The following FTSJ3 variants were observed in gnomAD, a reference collection of about 807,000 sequenced individuals.
FTSJ3 encodes the protein pre-rRNA 2'-O-ribose RNA methyltransferase FTSJ3.
In FTSJ3, 46 loss-of-function variants were observed where a neutral mutation model predicts 111.5. The ratio of observed to expected loss-of-function variants is 0.41; its 90% CI spans 0.33 to 0.53. The LOEUF (loss-of-function observed/expected upper bound fraction) is 0.53, where lower values mean the gene tolerates loss of function less well. FTSJ3 is among the 20% of genes least tolerant of loss of function. The probability of loss-of-function intolerance (pLI) is 0.19; values close to 1 mark genes in which losing one functional copy is unlikely to be tolerated. For synonymous variants in FTSJ3, 408 were observed against 383.0 expected, an observed-to-expected ratio of 1.07 and a Z score of -0.76; for missense variants, 1,075 against 1,063.8, an observed-to-expected ratio of 1.01 and a Z score of -0.15.
In FTSJ3 at chr17:63,819,810, G is replaced by A. The variant is rs114763743; in HGVS notation, c.2536C>T (p.Arg846Trp). ...GAGCCTGGCAGCTCTGCTTACTTCC[G>A]TTTGTGTTTTTTCTTTTGTTCCTTA... ...QRKEQKKKHK[R>W]K is the part of the protein sequence containing the mutation. The change falls in exon 21 of 21, where the codon CGG becomes TGG. Residue 846 changes from arginine to tryptophan, a missense_variant. By Grantham distance (101) the Arg-to-Trp change is moderately radical. Around this residue, in one of 2 missense-constraint regions of FTSJ3, gnomAD observed 867 missense variants for 796.9 expected, o/e 1.09. Coordinates refer to ENST00000427159, the MANE Select transcript of FTSJ3 (RefSeq NM_017647.4). The A allele has an allele frequency of 1.6e-5, 26 of 1,612,548 alleles. No homozygotes were observed. The highest frequency in any genetic ancestry group is 1.2e-4 in the South Asian group (11 of 91,006).
Position 63,824,091 on chromosome 17 carries a change from A to G in FTSJ3, c.1147T>C (p.Leu383=), listed in dbSNP as rs534211694. The G allele has an allele frequency of 6.2e-7, 1 of 1,613,954 alleles. No homozygotes were observed. The highest frequency in any genetic ancestry group is 1.1e-5 in the South Asian group (1 of 91,070). The change falls in exon 12 of 21, where the codon TTG becomes CTG. Residue 383 remains leucine, a synonymous_variant. Transcript: ENST00000427159. ...TACCCCAGCTCCTTTCACCTCTTCAATTCCGCCACCTCCTGGGCCTTCATT... is the reference window on the plus strand; with the variant it reads ...TACCCCAGCTCCTTTCACCTCTTCAGTTCCGCCACCTCCTGGGCCTTCATT... ...AEMKAQEVAE[L]KRKKKKLLRE...
Position 63,823,901 on chromosome 17 carries a change from C to T in FTSJ3, c.1206G>A (p.Glu402=). 1 of 1,614,204 alleles carries T rather than the reference C, an allele frequency of 6.2e-7. No individual in the cohort carries two copies. Among genetic ancestry groups the T allele is most frequent in the Non-Finnish European group, 8.5e-7 (1 of 1,180,034 alleles). Residue 402 remains glutamate, a synonymous_variant, in exon 13 of 21, where the codon GAG becomes GAA. Coordinates refer to ENST00000427159, the MANE Select transcript of FTSJ3 (RefSeq NM_017647.4). ...AAACCCCAGGCAGATCCATCTTCAG[C>T]TCCACACGCTCCCGCTGCTTTCTCT... ...REQRKQRERV[E]LKMDLPGVSI...
In FTSJ3 at chr17:63,821,125, G is replaced by T. The variant is rs774220650; in HGVS notation, c.1887-10C>A. ...ACGGAGGGGTTCCCAGCTGTGAAGA[G>T]GGGAGGACTCTGAGTGATTCCACCA... On this transcript the variant is annotated splice_polypyrimidine_tract_variant and intron_variant, in intron 16 of 20. Transcript: ENST00000427159. The T allele has an allele frequency of 2.2e-5, 36 of 1,613,442 alleles. No homozygotes were observed. The highest frequency in any genetic ancestry group is 2.8e-5 in the Non-Finnish European group (33 of 1,179,634).
chr17:63,824,434 G>T, intron 10 of FTSJ3, 23 bp from the exon 11 acceptor site: 2 of 1,611,148 alleles, frequency 1.2e-6, no homozygotes, highest in Non-Finnish European at 1.7e-6. Flanking sequence ...TACTATTACT[G>T]ATCTTGCCAT....
In FTSJ3 at chr17:63,821,575, AAAT is replaced by A; in HGVS notation, c.1662_1664del (p.Leu554del). The A allele has an allele frequency of 6.2e-7, 1 of 1,614,094 alleles. No individual in the cohort carries two copies. The highest frequency in any genetic ancestry group is 8.5e-7 in the Non-Finnish European group (1 of 1,180,018). ...GCTGCCGTCCCTTCCGCCGGTTCTC[AAAT>A]AACAGCTGGGCCTGACTGATCTCCA... On this transcript the variant is annotated inframe_deletion, in exon 16 of 21. Transcript: ENST00000427159.
chr17:63,822,958 C>T (rs2040064540), intron 13 of FTSJ3, among the ~76,000 whole-genome samples: 1 of 152,176 alleles, frequency 6.6e-6, no homozygotes, highest in Non-Finnish European at 1.5e-5. Context: ...AGTCACTTCA[C>T]AAAGCTCCAG....
chr17:63,821,206 G>T, intron 16 of FTSJ3, 91 bp from the exon 17 acceptor site: 3 of 1,526,704 alleles, frequency 2.0e-6, no homozygotes, highest in Non-Finnish European at 2.7e-6. Flanking sequence ...TGCCATGCAG[G>T]CTGTACCCCA....
rs781160586 is a variant in FTSJ3, at chr17:63,826,107, G to A, written c.249C>T (p.Leu83=). ...VGVDLVPIKP[L]PNVVTLQQDI... is the part of the protein sequence containing the mutation. ...CCTGCTGGAGAGTCACCACATTGGG[G>A]AGAGGCTTGATTGGAACCAGGTCCA... is the stretch of plus-strand genomic sequence containing the variant. Residue 83 remains leucine (L), a synonymous_variant, in exon 5 of 21, where the codon CTC becomes CTT. Transcript: ENST00000427159. 1.9e-6 allele frequency: 3 copies of A among 1,613,870 alleles called. No individual in the cohort carries two copies. The highest frequency in any genetic ancestry group is 1.7e-5 in the Admixed American group (1 of 60,014).
At chr17:63,826,351 C>G in intron 3 of FTSJ3, 47 bp from the exon 4 acceptor site, 1 of 1,581,134 alleles carries the variant, frequency 6.3e-7, no homozygotes, top group Non-Finnish European at 8.7e-7. Flanking sequence ...TCCTTTTCCC[C>G]CTCTTGGCAA....
In FTSJ3 at chr17:63,827,386, T is replaced by C. The variant is rs1325663269; in HGVS notation, c.-361A>G. 6.6e-7 allele frequency: 1 copy of C among 1,508,164 alleles called. No homozygotes were observed. Among genetic ancestry groups the C allele is most frequent in the South Asian group, 1.2e-5 (1 of 82,986 alleles). The allele number at this position is 1,508,164 out of a possible 1,614,324, so 93.4% of individuals were successfully genotyped here. A position where few individuals can be genotyped will look rare whatever the true frequency, so the allele number is the denominator to read the frequency against. On this transcript the variant is annotated 5_prime_UTR_variant, in exon 1 of 21. Transcript: ENST00000427159. Reference sequence around the variant, plus strand: ...TGGTCTCGCCGCACACCCCGCCCATTGACCCGGAATTCTTCTCTGCCTGGT... The same window carrying C: ...TGGTCTCGCCGCACACCCCGCCCATCGACCCGGAATTCTTCTCTGCCTGGT...
chr17:63,826,719 C>T, intron 2 of FTSJ3, 47 bp from the exon 3 acceptor site: 1 of 1,575,886 alleles, frequency 6.3e-7, no homozygotes. Context: ...AGTAGGATTT[C>T]TCCGGCCTCG....
In FTSJ3 at chr17:63,823,906, C is replaced by T. The variant is rs2040072797; in HGVS notation, c.1201G>A (p.Val401Met). ...CCAGGCAGATCCATCTTCAGCTCCA[C>T]ACGCTCCCGCTGCTTTCTCTGCTCA... ...LREQRKQRER[V>M]ELKMDLPGVS... The change falls in exon 13 of 21, where the codon GTG becomes ATG. Residue 401 changes from valine to methionine, a missense_variant. By Grantham distance (21) the Val-to-Met change is conservative. Coordinates refer to ENST00000427159, the MANE Select transcript of FTSJ3 (RefSeq NM_017647.4). The T allele has an allele frequency of 6.2e-7, 1 of 1,614,232 alleles. No homozygotes were observed. The highest frequency in any genetic ancestry group is 8.5e-7 in the Non-Finnish European group (1 of 1,180,046).
In FTSJ3 at chr17:63,825,326, A is replaced by G; in HGVS notation, c.511T>C (p.Phe171Leu). The G allele has an allele frequency of 6.2e-7, 1 of 1,614,238 alleles. No individual in the cohort carries two copies. The highest frequency in any genetic ancestry group is 8.5e-7 in the Non-Finnish European group (1 of 1,180,044). ...SRDYQPLLWI[F>L]QQLFRRVQAT... ...TGGACACGGCGGAACAGCTGCTGAAAGATCCATAGCAGAGGCTGATAGTCA... is the reference window on the plus strand; with the variant it reads ...TGGACACGGCGGAACAGCTGCTGAAGGATCCATAGCAGAGGCTGATAGTCA... The change falls in exon 7 of 21, where the codon TTT (phenylalanine) becomes CTT (leucine). Residue 171 changes from phenylalanine (F) to leucine (L), a missense_variant. Coordinates refer to ENST00000427159, the MANE Select transcript of FTSJ3 (RefSeq NM_017647.4).
chr17:63,827,462 A>G lies in FTSJ3; in HGVS notation c.-437T>C, dbSNP rs960399152. The G allele has an allele frequency of 1.3e-6, 2 of 1,551,586 alleles. No homozygotes were observed. Among genetic ancestry groups the G allele is most frequent in the Non-Finnish European group, 1.7e-6 (2 of 1,147,004 alleles). On this transcript the variant is annotated 5_prime_UTR_variant, in exon 1 of 21. Transcript: ENST00000427159. ...GCGCTTGCGCGCCAAGACGGCTCGG[A>G]TGCCGGCGGTCTCTGCTGAAGAGAG...
Position 63,821,794 on chromosome 17 carries a change from T to C in FTSJ3, c.1525A>G (p.Asn509Asp), listed in dbSNP as rs1174229530. Residue 509 changes from asparagine (N) to aspartate (D), a missense_variant, in exon 15 of 21, where the codon AAT (asparagine) becomes GAT (aspartate). Asn to Asp is a conservative substitution (Grantham distance 23). Transcript: ENST00000427159. ...QDDKEEEEEE[N>D]PLLVPLEEKA... ...TCCTCCAGTGGTACCAGCAGTGGAT[T>C]CTCCTCCTCCTCCTCCTCTTTATCA... 5.0e-6 allele frequency: 8 copies of C among 1,613,770 alleles called. No individual in the cohort carries two copies. The highest frequency in any genetic ancestry group is 5.9e-6 in the Non-Finnish European group (7 of 1,179,886).
rs759407401 is a variant in FTSJ3 at position 63,824,380 on chromosome 17, G to A, written c.949C>T (p.Arg317Ter). 3 of 1,614,034 alleles carry A rather than the reference G, an allele frequency of 1.9e-6. No homozygotes were observed. Among genetic ancestry groups the A allele is most frequent in the South Asian group, 1.1e-5 (1 of 91,072 alleles). ...SLLNWRTKLR[R>*]YVAKKLKEQA... Reference sequence around the variant, plus strand: ...TCTTTCAGCTTCTTGGCCACATATCGCCGAAGTTTTGTTCTCCAGTTTAGT... The same window carrying A: ...TCTTTCAGCTTCTTGGCCACATATCACCGAAGTTTTGTTCTCCAGTTTAGT... Residue 317 changes from arginine to a stop codon, truncating the protein, a stop_gained, in exon 11 of 21, where the codon CGA becomes TGA. Transcript: ENST00000427159. LOFTEE classifies it high-confidence loss of function.
chr17:63,822,348 G>A (rs1026638882), intron 13 of FTSJ3, among the ~76,000 whole-genome samples, 180 bp from the exon 14 acceptor site: 1 of 151,920 alleles, frequency 6.6e-6, no homozygotes, highest in Non-Finnish European at 1.5e-5. Flanking sequence ...ACAACATCCC[G>A]TTCTAGGCTG....
At position 63,825,100 on chromosome 17, in the gene FTSJ3, A is replaced by G. The variant is rs535993552; in HGVS notation, c.659T>C (p.Val220Ala). Residue 220 changes from valine to alanine, a missense_variant, in exon 8 of 21, where the codon GTT (valine) becomes GCT (alanine). Val to Ala is a moderately conservative substitution (Grantham distance 64). Around this residue, in one of 2 missense-constraint regions of FTSJ3, gnomAD observed 867 missense variants for 796.9 expected, o/e 1.09. Coordinates refer to ENST00000427159, the MANE Select transcript of FTSJ3 (RefSeq NM_017647.4). ...AGTAACGGTCTTAGCCTGAACTTCA[A>G]CCTCCTTAAAGGCAAATTTGGGGTC... ...FFDPKFAFKE[V>A]EVQAKTVTEL... is the part of the protein sequence containing the mutation. 5.0e-5 allele frequency: 80 copies of G among 1,614,008 alleles called. 2 individuals carry two copies. The highest frequency in any genetic ancestry group is 4.3e-4 in the South Asian group (39 of 91,080).
At chr17:63,820,573 G>C in intron 18 of FTSJ3, 135 bp from the exon 19 acceptor site, 1 of 853,724 alleles carries the variant, frequency 1.2e-6, no homozygotes, top group Admixed American at 2.4e-5. Context: ...CTGAGGTCAG[G>C]AGTTTGACCA....
Sources: allele counts gnomAD v4.1 joint callset (sites outside exome capture counted in the v4.1 genomes callset), GRCh38; gene constraint gnomAD v4.1.1; regional missense constraint gnomAD v4.1.1; transcripts MANE v1.5; gene names NCBI Gene and HGNC (gene_info 2026-07-23, HGNC 2026-07-21).